DDX42: variants seen among roughly 807,000 people sequenced by gnomAD.
The protein encoded by DDX42 is DEAD-box helicase 42, also known as ATP-dependent RNA helicase DDX42.
Under a neutral mutation model 101.5 loss-of-function variants are expected in DDX42, and 22 were observed. That is an observed-to-expected ratio of 0.22 (90% CI 0.15 to 0.31). DDX42 has a LOEUF of 0.31. DDX42 is among the 10% of genes least tolerant of loss of function. The pLI, the probability that DDX42 is intolerant of heterozygous loss-of-function variation, is 1.00. For missense variants in DDX42, 849 were observed against 1,199.9 expected, an observed-to-expected ratio of 0.71 and a Z score of 4.32; for synonymous variants, 402 against 401.2, an observed-to-expected ratio of 1.00 and a Z score of -0.02.
rs574203308 is a variant in DDX42, at chr17:63,789,944, G to A, written c.222-2468G>A. Among the ~76,000 whole-genome samples the A allele has an allele frequency of 4.3e-4, 66 of 152,270 alleles. No homozygotes were observed. In the South Asian group the frequency reaches 0.014, roughly 32 times the overall value. ...TATTTAGGAGTCAAATATACAAGTAGTGTTTAAGTTTTAGCAAAGTCAGAG... is the reference window on the plus strand; with the variant it reads ...TATTTAGGAGTCAAATATACAAGTAATGTTTAAGTTTTAGCAAAGTCAGAG... On this transcript the variant is annotated intron_variant, in intron 2 of 17. Coordinates refer to ENST00000389924, the MANE Select transcript of DDX42 (RefSeq NM_203499.3).
At chr17:63,800,645 C>T (rs1368972103) in intron 6 of DDX42, 28 bp downstream of exon 6, 9 of 1,608,934 alleles carry the variant, frequency 5.6e-6, no homozygotes, top group Middle Eastern at 1.7e-4. Flanking sequence ...GAATTTTACT[C>T]TTGTTTCAAG....
rs534401575 is a variant in DDX42, at chr17:63,799,472, A to G, written c.435-117A>G. The stretch of plus-strand genomic sequence containing the variant: ...ATAGTGTGCTCATTGCTGCTTTGTT[A>G]TTATTAGTGTTGAGAGTTCCTGTGC... On this transcript the variant is annotated intron_variant, in intron 4 of 17. Transcript: ENST00000389924. 1.9e-5 allele frequency: 20 copies of G among 1,070,174 alleles called. No homozygotes were observed. In the East Asian group the frequency reaches 3.8e-4, roughly 20 times the overall value. 66.3% of individuals were successfully genotyped at this position (1,070,174 alleles called of 1,614,324 possible).
chr17:63,798,330 A>G (rs1458227750), intron 4 of DDX42: 2 of 376,540 alleles, frequency 5.3e-6, no homozygotes, highest in South Asian at 4.8e-5. Context: ...TTTGACTATA[A>G]ATAGTTGTTT....
intron 1 of DDX42, among the ~76,000 whole-genome samples, chr17:63,777,548 A>C (rs1443849578): frequency 6.6e-6 from 1 of 151,710 alleles, no homozygotes; most frequent in Admixed American, 6.6e-5. Flanking sequence ...CCCGGGTTCA[A>C]GTGATTCTCC....
At chr17:63,799,307 T>C (rs1039132163) in intron 4 of DDX42, among the ~76,000 whole-genome samples, 1 of 152,222 alleles carries the variant, frequency 6.6e-6, no homozygotes, top group African/African-American at 2.4e-5. Context: ...ATTTGGTATC[T>C]GTCTTCAGAA....
chr17:63,781,222 T>C (rs1322067626), intron 1 of DDX42, among the ~76,000 whole-genome samples: 2 of 152,130 alleles, frequency 1.3e-5, no homozygotes, highest in South Asian at 2.1e-4. Flanking sequence ...TAGTTCTTTT[T>C]GTTTTGTTTT....
At chr17:63,789,159 A>C (rs1015886993) in intron 2 of DDX42, among the ~76,000 whole-genome samples, 1 of 151,542 alleles carries the variant, frequency 6.6e-6, no homozygotes, top group Non-Finnish European at 1.5e-5. Flanking sequence ...GCTCACAGCA[A>C]CCTCCACTTC....
At position 63,818,895 on chromosome 17, in the gene DDX42, C is replaced by T. The variant is rs2040013581; in HGVS notation, c.*497C>T. ...AGACATTTGCAGGGAAGGGAGATGT[C>T]TGATTCTAAATGGGAGTTGATGCTC... is the stretch of plus-strand genomic sequence containing the variant. On this transcript the variant is annotated 3_prime_UTR_variant, in exon 18 of 18. Transcript: ENST00000389924. 6.4e-6 allele frequency: 1 copy of T among 155,854 alleles called. No homozygotes were observed. The highest frequency in any genetic ancestry group is 1.4e-5 in the Non-Finnish European group (1 of 69,974). 9.7% of individuals were successfully genotyped at this position (155,854 alleles called of 1,614,324 possible). A position where few individuals can be genotyped will look rare whatever the true frequency, so the allele number is the denominator to read the frequency against.
At chr17:63,788,908 G>T (rs1315138110) in intron 2 of DDX42, among the ~76,000 whole-genome samples, 1 of 151,206 alleles carries the variant, frequency 6.6e-6, no homozygotes. Context: ...TTTTGTTGTT[G>T]TTTTGAGATA....
chr17:63,802,637 A>G (rs777052088), intron 6 of DDX42, among the ~76,000 whole-genome samples: 2 of 152,056 alleles, frequency 1.3e-5, no homozygotes, highest in Non-Finnish European at 2.9e-5. Flanking sequence ...CAGGCTGGGT[A>G]TGGTGGCTCA....
intron 1 of DDX42, among the ~76,000 whole-genome samples, chr17:63,779,403 A>G (rs2039459455): frequency 6.6e-6 from 1 of 152,098 alleles, no homozygotes; most frequent in African/African-American, 2.4e-5. Context: ...AGCTGGGGCT[A>G]CAGGTGCACA....
intron 9 of DDX42, 96 bp from the exon 10 acceptor site, chr17:63,808,724 T>A: frequency 6.6e-7 from 1 of 1,505,540 alleles, no homozygotes; most frequent in Non-Finnish European, 9.0e-7. Context: ...TTCGATTTTT[T>A]ATGACATCAC....
Position 63,817,847 on chromosome 17 carries a change from G to A in DDX42, c.2266G>A (p.Val756Ile), listed in dbSNP as rs746401885. The A allele has an allele frequency of 9.3e-6, 15 of 1,614,048 alleles. No individual in the cohort carries two copies. The highest frequency in any genetic ancestry group is 1.6e-4 in the Middle Eastern group (1 of 6,084). Residue 756 changes from valine (V) to isoleucine (I), a missense_variant, in exon 18 of 18, where the codon GTC becomes ATC. By Grantham distance (29) the Val-to-Ile change is conservative. Around this residue, in one of 5 missense-constraint regions of DDX42, gnomAD observed 300 missense variants for 304.9 expected, o/e 0.98. Transcript: ENST00000389924. Reference protein sequence around the residue: ...QQGHNSPDSPVTSAAKGIPGF... With the variant: ...QQGHNSPDSPITSAAKGIPGF... ...GGGCCATAACAGTCCTGACAGCCCC[G>A]TCACCAGTGCCGCCAAGGGCATCCC...
chr17:63,791,847 A>T (rs1012528072), intron 2 of DDX42, among the ~76,000 whole-genome samples: 16 of 151,960 alleles, frequency 1.1e-4, no homozygotes, highest in Admixed American at 8.5e-4. Flanking sequence ...GGAGTTCGAG[A>T]CCAGCCTGGC....
In DDX42 at chr17:63,781,081, T is replaced by A. The variant is rs571493277; in HGVS notation, c.-16-5953T>A. Among the ~76,000 whole-genome samples the A allele has an allele frequency of 3.3e-5, 5 of 152,332 alleles. No homozygotes were observed. In the East Asian group the frequency reaches 9.6e-4, roughly 29 times the overall value. On this transcript the variant is annotated intron_variant, in intron 1 of 17. Coordinates refer to ENST00000389924, the MANE Select transcript of DDX42 (RefSeq NM_203499.3). ...CATTGATAAACAGCCTACAAAGTAC[T>A]CTTGACTCCTCTTGACCTAGTCTTC... is the stretch of plus-strand genomic sequence containing the variant.
chr17:63,818,598 CAGTG>C lies in DDX42; in HGVS notation c.*203_*206del, dbSNP rs749783424. ...GGGAAGCTGTTTTGGTCCTTGGAAG[CAGTG>C]AGAGCTGGGAAGCTTCTTTTGGCTC... is the stretch of plus-strand genomic sequence containing the variant. On this transcript the variant is annotated 3_prime_UTR_variant, in exon 18 of 18. Coordinates refer to ENST00000389924, the MANE Select transcript of DDX42 (RefSeq NM_203499.3). The C allele has an allele frequency of 1.1e-5, 6 of 557,486 alleles. No homozygotes were observed. Among genetic ancestry groups the C allele is most frequent in the Non-Finnish European group, 1.9e-5 (6 of 317,350 alleles). The allele number at this position is 557,486 out of a possible 1,614,324, so 34.5% of individuals were successfully genotyped here.
chr17:63,800,642 A>T, intron 6 of DDX42, 25 bp downstream of exon 6: 2 of 1,607,942 alleles, frequency 1.2e-6, no homozygotes, highest in Non-Finnish European at 1.7e-6. Flanking sequence ...GCTGAATTTT[A>T]CTCTTGTTTC....
chr17:63,797,634 A>C (rs985586313), intron 3 of DDX42, among the ~76,000 whole-genome samples: 13 of 152,196 alleles, frequency 8.5e-5, no homozygotes, highest in African/African-American at 3.1e-4. Context: ...TAGGGGCAAA[A>C]TTGTCCCAGA....
chr17:63,799,688 G>A, intron 5 of DDX42, 63 bp downstream of exon 5: 1 of 1,505,186 alleles, frequency 6.6e-7, no homozygotes, highest in Non-Finnish European at 9.0e-7. Context: ...CTGGGGACAA[G>A]CTAGAGCTTG....
Sources: gnomAD v4.1 joint callset for allele counts (sites outside exome capture counted in the v4.1 genomes callset) on GRCh38, gnomAD v4.1.1 for gene constraint, gnomAD v4.1.1 regional missense constraint, MANE v1.5 for transcripts, NCBI Gene and HGNC (gene_info 2026-07-23, HGNC 2026-07-21) for gene names.